The following ADGB variants were observed in gnomAD, a reference collection of about 807,000 sequenced individuals.
ADGB encodes androglobin.
A neutral mutation model predicts 210.5 loss-of-function variants in ADGB; 172 were observed. That is an observed-to-expected ratio of 0.82 (90% CI 0.72 to 0.93). The LOEUF is 0.93. Among genes scored for constraint, ADGB ranks in the 40% least tolerant of loss-of-function variants. The pLI is 0.00. For synonymous variants in ADGB, 658 were observed against 662.7 expected (o/e 0.99, Z 0.11); for missense variants, 2,025 against 1,964.8 (o/e 1.03, Z -0.58).
chr6:146,600,924 GCGCACA>G (rs753023212), intron 1 of ADGB, among the ~76,000 whole-genome samples: 2,157 of 47,564 alleles, frequency 0.045, 58 homozygotes, highest in African/African-American at 0.085. Flanking sequence ...CCTCCCCCAT[GCGCACA>G]CACACACACA....
rs192424094 is a variant in ADGB at position 146,808,883 on chromosome 6, A to G, written c.4819-6149A>G. On this transcript the variant is annotated intron_variant, in intron 35 of 35. Coordinates refer to ENST00000397944, the MANE Select transcript of ADGB (RefSeq NM_024694.4). ...CCAGGTCGTGGGGGTGACAAAGTCC[A>G]GCGGAGTCAAAGGATTGAGAAAAAG... is the stretch of plus-strand genomic sequence containing the variant. Among the ~76,000 whole-genome samples, 5 of 151,752 alleles carry G rather than the reference A, an allele frequency of 3.3e-5. No individual in the cohort carries two copies. In the South Asian group the frequency reaches 8.3e-4, roughly 25 times the overall value.
At chr6:146,651,563 G>C (rs952687472) in intron 3 of ADGB, among the ~76,000 whole-genome samples, 2 of 152,182 alleles carry the variant, frequency 1.3e-5, no homozygotes, top group Admixed American at 6.6e-5. Context: ...GGAGGATGCA[G>C]GTCTGCAAGT....
chr6:146,678,801 T>C (rs7751335), intron 9 of ADGB, among the ~76,000 whole-genome samples: 41,049 of 152,036 alleles, frequency 0.27, 6,223 homozygotes, highest in African/African-American at 0.42. Context: ...TAAGATTTCA[T>C]TTTGTTATTT....
Position 146,691,469 on chromosome 6 carries a change from TATATATAA to T in ADGB, c.1486+187_1486+194del, listed in dbSNP as rs1431322242. ...AAATATATATATATAAAAATATATATATATATAAATATATATATATATATATATATATT... is the reference window on the plus strand; with the variant it reads ...AAATATATATATATAAAAATATATATATATATATATATATATATATATATT... On this transcript the variant is annotated intron_variant, in intron 11 of 35. Transcript: ENST00000397944. Among the ~76,000 whole-genome samples the T allele has an allele frequency of 1.1e-3, 54 of 51,380 alleles. 5 individuals are homozygous for T. The African/African-American group carries it at 0.012, about 11-fold the overall frequency. The allele number at this position is 51,380 out of a possible 152,430, so 33.7% of individuals were successfully genotyped here.
At chr6:146,659,003 C>A (rs1280599156) in intron 5 of ADGB, among the ~76,000 whole-genome samples, 1 of 152,150 alleles carries the variant, frequency 6.6e-6, no homozygotes, top group Non-Finnish European at 1.5e-5. Context: ...TCTCTCTAGG[C>A]TTAGGGCAGA....
chr6:146,795,044 A>G (rs1323792504), intron 33 of ADGB, among the ~76,000 whole-genome samples: 1 of 152,212 alleles, frequency 6.6e-6, no homozygotes, highest in East Asian at 1.9e-4. Flanking sequence ...GGTGACCCCA[A>G]GGAAGCCAGG....
intron 1 of ADGB, among the ~76,000 whole-genome samples, chr6:146,630,719 A>C (rs959340894): frequency 3.3e-5 from 5 of 152,212 alleles, no homozygotes; most frequent in Admixed American, 6.5e-5. Context: ...AAATGAGGAA[A>C]GGAAGTATTC....
chr6:146,664,337 T>C lies in ADGB; in HGVS notation c.749T>C (p.Ile250Thr), dbSNP rs1048568496. 15 of 1,548,156 alleles carry C rather than the reference T, an allele frequency of 9.7e-6. No individual in the cohort carries two copies. Among genetic ancestry groups the C allele is most frequent in the Admixed American group, 2.0e-5 (1 of 50,664 alleles). The change falls in exon 6 of 36, where the codon ATT becomes ACT. Residue 250 changes from isoleucine to threonine, a missense_variant. Ile to Thr is a moderately conservative substitution (Grantham distance 89). Coordinates refer to ENST00000397944, the MANE Select transcript of ADGB (RefSeq NM_024694.4). Reference sequence around the variant, plus strand: ...AAAGCTATTATCAAGCTGGCAAATATTGAGTATGTAATGACACTATCACTC... The same window carrying C: ...AAAGCTATTATCAAGCTGGCAAATACTGAGTATGTAATGACACTATCACTC... ...LSKAIIKLAN[I>T]DIHVADRREL...
intron 33 of ADGB, among the ~76,000 whole-genome samples, chr6:146,788,919 C>T (rs184346175): frequency 9.0e-4 from 137 of 152,234 alleles, no homozygotes; most frequent in African/African-American, 3.0e-3. Context: ...ATACACTTCT[C>T]GTTAAACACA....
In ADGB at chr6:146,619,388, C is replaced by T. The variant is rs182932145; in HGVS notation, c.75-15987C>T. 2.8e-4 allele frequency among the ~76,000 whole-genome samples: 42 copies of T among 151,988 alleles called. No homozygotes were observed. The East Asian group carries it at 2.9e-3, about 10-fold the overall frequency. On this transcript the variant is annotated intron_variant, in intron 1 of 35. Coordinates refer to ENST00000397944, the MANE Select transcript of ADGB (RefSeq NM_024694.4). The stretch of plus-strand genomic sequence containing the variant: ...ATTCAAGGTTATTATTGATAGATAA[C>T]GGTTTATTACTGCCATTTTGATACT...
chr6:146,799,058 C>CAAAAAAAAAAAAAAAAAAAAAA (rs71552962), intron 33 of ADGB, among the ~76,000 whole-genome samples: 10 of 63,504 alleles, frequency 1.6e-4, no homozygotes, highest in East Asian at 5.4e-4. Flanking sequence ...TATGGAAATG[C>CAAAAAAAAAAAAAAAAAAAAAA]AAAAAAAAAA....
intron 25 of ADGB, among the ~76,000 whole-genome samples, chr6:146,745,064 T>C (rs1262930543): frequency 6.6e-6 from 1 of 152,204 alleles, no homozygotes; most frequent in African/African-American, 2.4e-5. Context: ...CATCTCATTA[T>C]GGGGACTGGA....
intron 10 of ADGB, 126 bp downstream of exon 10, chr6:146,685,954 G>T (rs1003425405): frequency 7.6e-6 from 4 of 523,548 alleles, no homozygotes; most frequent in Non-Finnish European, 1.2e-5. Flanking sequence ...GTGGATGTCA[G>T]TTTCCTTATC....
In ADGB at chr6:146,811,436, T is replaced by TC. The variant is rs1245432479; in HGVS notation, c.4819-3596_4819-3595insC. Among the ~76,000 whole-genome samples, 3 of 97,282 alleles carry TC rather than the reference T, an allele frequency of 3.1e-5. No homozygotes were observed. In the East Asian group the frequency reaches 1.4e-3, roughly 45 times the overall value. 63.8% of individuals were successfully genotyped at this position (97,282 alleles called of 152,430 possible). A position where few individuals can be genotyped will look rare whatever the true frequency, so the allele number is the denominator to read the frequency against. On this transcript the variant is annotated intron_variant, in intron 35 of 35. Transcript: ENST00000397944. Reference sequence around the variant, plus strand: ...ATATATACATGTATGTGTGTCTTTGTGTGTTTATATATATATATATTCAGG... The same window carrying TC: ...ATATATACATGTATGTGTGTCTTTGTCGTGTTTATATATATATATATTCAGG...
At position 146,631,979 on chromosome 6, in the gene ADGB, C is replaced by A. The variant is rs201674432; in HGVS notation, c.75-3396C>A. ...TCTCCTCATTAAAAAAAAAAAAAAA[C>A]AAAAAAAACCTTCACTTGGTTTCCA... On this transcript the variant is annotated intron_variant, in intron 1 of 35. Coordinates refer to ENST00000397944, the MANE Select transcript of ADGB (RefSeq NM_024694.4). 5.8e-3 allele frequency among the ~76,000 whole-genome samples: 830 copies of A among 144,210 alleles called. 3 individuals carry two copies. Among genetic ancestry groups the A allele is most frequent in the Non-Finnish European group, 8.4e-3 (556 of 66,316 alleles). The allele number at this position is 144,210 out of a possible 152,430, so 94.6% of individuals were successfully genotyped here.
chr6:146,738,856 C>G (rs912335279), intron 23 of ADGB, among the ~76,000 whole-genome samples: 1 of 152,138 alleles, frequency 6.6e-6, no homozygotes, highest in Non-Finnish European at 1.5e-5. Flanking sequence ...TGGGGCCTAT[C>G]ATAGGAAAAT....
rs74889978 is a variant in ADGB at position 146,605,018 on chromosome 6, G to A, written c.74+5904G>A. ...GGCGGTTAGTGCAGGCAACAGGAAT[G>A]TGGGGACAGGTCATCCAAGTTGAAT... On this transcript the variant is annotated intron_variant, in intron 1 of 35. Coordinates refer to ENST00000397944, the MANE Select transcript of ADGB (RefSeq NM_024694.4). 7.4e-3 allele frequency among the ~76,000 whole-genome samples: 1,133 copies of A among 152,274 alleles called. 14 individuals carry two copies. Among genetic ancestry groups the A allele is most frequent in the African/African-American group, 0.026 (1,073 of 41,558 alleles).
In ADGB at chr6:146,785,612, T is replaced by C; in HGVS notation, c.4215T>C (p.Ala1405=). 1 of 1,549,640 alleles carries C rather than the reference T, an allele frequency of 6.5e-7. No homozygotes were observed. Among genetic ancestry groups the C allele is most frequent in the Non-Finnish European group, 8.7e-7 (1 of 1,145,270 alleles). The part of the protein sequence containing the change: ...ETTEPGRAIK[A]SQARLHYLSG... ...AGCTGCTCATGTTTGTTTTTTAGGC[T>C]TCTCAGGCTCGTTTGCATTACCTTA... The change falls in exon 32 of 36, where the codon GCT becomes GCC. Residue 1405 remains alanine, a splice_region_variant and synonymous_variant. Transcript: ENST00000397944.
chr6:146,615,323 C>T (rs1456014880), intron 1 of ADGB, among the ~76,000 whole-genome samples: 1 of 151,922 alleles, frequency 6.6e-6, no homozygotes, highest in Non-Finnish European at 1.5e-5. Context: ...AAATCACTTC[C>T]CACCAGGCCC....
Sources: gnomAD v4.1 joint callset for allele counts (sites outside exome capture counted in the v4.1 genomes callset) on GRCh38, gnomAD v4.1.1 for gene constraint, MANE v1.5 for transcripts, NCBI Gene and HGNC (gene_info 2026-07-23, HGNC 2026-07-21) for gene names.